The following HRK variants were observed in gnomAD, a reference collection of about 807,000 sequenced individuals.
The protein encoded by HRK is harakiri, BCL2 interacting protein, also known as activator of apoptosis harakiri.
Under a neutral mutation model 5.9 loss-of-function variants are expected in HRK, and 6 were observed. The observed-to-expected ratio is 1.02, with a 90% CI of 0.56 to 2.01. The LOEUF (loss-of-function observed/expected upper bound fraction) is 2.01. Among genes scored for constraint, HRK ranks in the 30% most tolerant of loss-of-function variants. The probability of loss-of-function intolerance (pLI) is 0.00; values close to 1 mark genes in which losing one functional copy is unlikely to be tolerated. For synonymous variants in HRK, 85 were observed against 65.1 expected (o/e 1.31, Z -1.47); for missense variants, 133 against 128.3 (o/e 1.04, Z -0.18).
chr12:116,858,342 A>C lies in HRK; in HGVS notation c.*3181T>G, dbSNP rs1407561647. 1 of 151,906 alleles carries C rather than the reference A, an allele frequency of 6.6e-6. No individual in the cohort carries two copies. The highest frequency in any genetic ancestry group is 2.4e-5 in the African/African-American group (1 of 41,348). The allele number at this position is 151,906 out of a possible 1,614,324, so 9.4% of individuals were successfully genotyped here. ...AATAGGAAACGGACCCCCAAATTTG[A>C]AGAGATTGTATTTGTTTGTGGGAGA... On this transcript the variant is annotated 3_prime_UTR_variant, in exon 2 of 2. Transcript: ENST00000257572.
Position 116,881,181 on chromosome 12 carries a change from C to A in HRK, c.127G>T (p.Glu43Ter), listed in dbSNP as rs1879139678. Residue 43 changes from glutamate to a stop codon, truncating the protein, a stop_gained, in exon 1 of 2, where the codon GAG (glutamate) becomes TAG (stop). Coordinates refer to ENST00000257572, the MANE Select transcript of HRK (RefSeq NM_003806.4). LOFTEE classifies it high-confidence loss of function. ...TAARLKALGD[E>*]LHQRTMWRRR... ...CGCCACATGGTGCGCTGGTGCAGCT[C>A]GTCGCCTAGCGCCTTGAGCCGGGCG... is the stretch of plus-strand genomic sequence containing the variant. 2.6e-6 allele frequency: 3 copies of A among 1,159,762 alleles called. No homozygotes were observed. The highest frequency in any genetic ancestry group is 3.2e-6 in the Non-Finnish European group (3 of 943,986). The allele number at this position is 1,159,762 out of a possible 1,614,324, so 71.8% of individuals were successfully genotyped here.
Position 116,881,023 on chromosome 12 carries a change from C to A in HRK, c.*9G>T. 6 of 1,332,500 alleles carry A rather than the reference C, an allele frequency of 4.5e-6. No individual in the cohort carries two copies. The highest frequency in any genetic ancestry group is 5.7e-6 in the Non-Finnish European group (6 of 1,044,652). 82.5% of individuals were successfully genotyped at this position (1,332,500 alleles called of 1,614,324 possible). On this transcript the variant is annotated 3_prime_UTR_variant, in exon 1 of 2. Transcript: ENST00000257572. ...CTCGGCTCCGGCCCCACCAAGAAGC[C>A]CCGCGTTCCTACAAGTTCCGCCTGC... is the stretch of plus-strand genomic sequence containing the variant.
Position 116,860,184 on chromosome 12 carries a change from T to G in HRK, c.*1339A>C, listed in dbSNP as rs2137241296. The G allele has an allele frequency of 6.6e-6, 1 of 152,320 alleles. No individual in the cohort carries two copies. The highest frequency in any genetic ancestry group is 3.4e-3 in the Middle Eastern group (1 of 294). The allele number at this position is 152,320 out of a possible 1,614,324, so 9.4% of individuals were successfully genotyped here. ...CCTGCACAGAGGAAGAATACCTGCT[T>G]ATGTTGGATTTTTCGAAAATGAAAG... On this transcript the variant is annotated 3_prime_UTR_variant, in exon 2 of 2. Transcript: ENST00000257572.
chr12:116,869,481 A>T (rs1415808424), intron 1 of HRK: 1 of 152,234 alleles, frequency 6.6e-6, no homozygotes, highest in Non-Finnish European at 1.5e-5. Flanking sequence ...TGCTTTATAC[A>T]TAGTGCTCCT....
At chr12:116,863,008 G>A (rs145821617) in intron 1 of HRK, among the ~76,000 whole-genome samples, 3,695 of 152,286 alleles carry the variant, frequency 0.024, 117 homozygotes, top group East Asian at 0.096. Flanking sequence ...AAAGTGCTGT[G>A]ATTACAGGCA....
At position 116,881,406 on chromosome 12, in the gene HRK, C is replaced by T; in HGVS notation, c.-99G>A. On this transcript the variant is annotated 5_prime_UTR_variant, in exon 1 of 2. Transcript: ENST00000257572. ...GCCGCCGCGCTCCAGCCGCCGGGGG[C>T]CTCCCCTGGACACCAAGTTTCTCCT... 1.0e-6 allele frequency: 1 copy of T among 978,032 alleles called. No homozygotes were observed. 60.6% of individuals were successfully genotyped at this position (978,032 alleles called of 1,614,324 possible).
Position 116,881,040 on chromosome 12 carries a change from T to C in HRK, c.268A>G (p.Asn90Asp). 1 of 1,347,604 alleles carries C rather than the reference T, an allele frequency of 7.4e-7. No homozygotes were observed. The highest frequency in any genetic ancestry group is 3.1e-5 in the East Asian group (1 of 32,106). 83.5% of individuals were successfully genotyped at this position (1,347,604 alleles called of 1,614,324 possible). A position where few individuals can be genotyped will look rare whatever the true frequency, so the allele number is the denominator to read the frequency against. ...CAAGAAGCCCCGCGTTCCTACAAGT[T>C]CCGCCTGCCGAGCAGCCAGGCCGCC... is the stretch of plus-strand genomic sequence containing the variant. ...ALAAWLLGRR[N>D]L The change falls in exon 1 of 2, where the codon AAC (asparagine) becomes GAC (aspartate). Residue 90 changes from asparagine (N) to aspartate (D), a missense_variant. By Grantham distance (23) the Asn-to-Asp change is conservative. Transcript: ENST00000257572.
At chr12:116,866,992 A>C (rs1363616255) in intron 1 of HRK, among the ~76,000 whole-genome samples, 3 of 152,056 alleles carry the variant, frequency 2.0e-5, no homozygotes, top group Non-Finnish European at 4.4e-5. Context: ...AAAGTTGTCC[A>C]AATATGAATG....
In HRK at chr12:116,880,981, G is replaced by T. The variant is rs1400708871; in HGVS notation, c.*51C>A. The stretch of plus-strand genomic sequence containing the variant: ...TCGCTCGCTCGCTCGCGTACCTGTT[G>T]CTCGCTCCGGCTGGGTCTCGGCTCC... On this transcript the variant is annotated 3_prime_UTR_variant, in exon 1 of 2. Transcript: ENST00000257572. 1.6e-6 allele frequency: 2 copies of T among 1,229,904 alleles called. No individual in the cohort carries two copies. Among genetic ancestry groups the T allele is most frequent in the Non-Finnish European group, 2.1e-6 (2 of 968,358 alleles). The allele number at this position is 1,229,904 out of a possible 1,614,324, so 76.2% of individuals were successfully genotyped here.
chr12:116,872,527 C>T (rs1878789779), intron 1 of HRK, among the ~76,000 whole-genome samples: 1 of 152,068 alleles, frequency 6.6e-6, no homozygotes, highest in South Asian at 2.1e-4. Flanking sequence ...CCTATAATCC[C>T]AACACTTTGG....
At chr12:116,877,431 A>G (rs1878976685) in intron 1 of HRK, among the ~76,000 whole-genome samples, 1 of 152,162 alleles carries the variant, frequency 6.6e-6, no homozygotes, top group Non-Finnish European at 1.5e-5. Context: ...CAGTTTACAG[A>G]TAAAGGTGCA....
At chr12:116,870,980 A>G (rs1878724955) in intron 1 of HRK, among the ~76,000 whole-genome samples, 1 of 152,224 alleles carries the variant, frequency 6.6e-6, no homozygotes, top group South Asian at 2.1e-4. Context: ...GTGCAATGGC[A>G]TGATCTCGGC....
Position 116,878,192 on chromosome 12 carries a change from A to T in HRK, c.*56+2784T>A, listed in dbSNP as rs992736477. Among the ~76,000 whole-genome samples the T allele has an allele frequency of 6.6e-6, 1 of 152,230 alleles. No homozygotes were observed. The highest frequency in any genetic ancestry group is 2.4e-5 in the African/African-American group (1 of 41,464). ...TGGCCTCCCAAAGTGCTGGAATTAC[A>T]GGCGTGAGCCAACCTGCCTGGCCTG... On this transcript the variant is annotated intron_variant, in intron 1 of 1. Transcript: ENST00000257572. This position sits in a 1 kb window ranked among gnomAD's most constrained non-coding sequence, Gnocchi z 4.4.
chr12:116,868,816 C>T (rs1332727051), intron 1 of HRK, among the ~76,000 whole-genome samples: 1 of 152,164 alleles, frequency 6.6e-6, no homozygotes, highest in Non-Finnish European at 1.5e-5. Flanking sequence ...GTGGTTCTCC[C>T]AGCCCTGTCA....
At chr12:116,867,988 T>G (rs1878605808) in intron 1 of HRK, among the ~76,000 whole-genome samples, 1 of 152,106 alleles carries the variant, frequency 6.6e-6, no homozygotes, top group Non-Finnish European at 1.5e-5. Context: ...CTGTAGTGTT[T>G]TTGTGCTTTC....
Position 116,862,683 on chromosome 12 carries a change from T to G in HRK, c.*57-1217A>C, listed in dbSNP as rs1371042239. On this transcript the variant is annotated intron_variant, in intron 1 of 1. Transcript: ENST00000257572. The surrounding 1 kb of genome is among the most constrained non-coding windows in gnomAD (Gnocchi z 4.0). ...TCTATGTATACTCCTCATCATTGAC[T>G]TGTACACCTTAAAAAGGTAGGGTTT... Among the ~76,000 whole-genome samples, 1 of 152,162 alleles carries G rather than the reference T, an allele frequency of 6.6e-6. No individual in the cohort carries two copies. The highest frequency in any genetic ancestry group is 2.4e-5 in the African/African-American group (1 of 41,432).
At chr12:116,871,811 T>TTCTTTTG (rs918149582) in intron 1 of HRK, among the ~76,000 whole-genome samples, 1 of 151,786 alleles carries the variant, frequency 6.6e-6, no homozygotes, top group African/African-American at 2.4e-5. Context: ...TTTTTCTTTT[T>TTCTTTTG]TTAGTAAAGA....
At chr12:116,870,607 GT>G (rs1339394604) in intron 1 of HRK, among the ~76,000 whole-genome samples, 1 of 152,158 alleles carries the variant, frequency 6.6e-6, no homozygotes, top group Non-Finnish European at 1.5e-5. Flanking sequence ...GAGCCCAGGA[GT>G]TCCAGACCAG....
chr12:116,875,389 T>C (rs1321706883), intron 1 of HRK, among the ~76,000 whole-genome samples: 1 of 152,170 alleles, frequency 6.6e-6, no homozygotes, highest in Admixed American at 6.5e-5. Flanking sequence ...CACTAAAATG[T>C]GGGCTCCATG....
Sources: allele counts gnomAD v4.1 joint callset (sites outside exome capture counted in the v4.1 genomes callset), GRCh38; gene constraint gnomAD v4.1.1; non-coding constraint Gnocchi (gnomAD v3.1); transcripts MANE v1.5; gene names NCBI Gene and HGNC (gene_info 2026-07-23, HGNC 2026-07-21).